PCDH15: variants seen among roughly 807,000 people sequenced by gnomAD.
The protein encoded by PCDH15 is protocadherin related 15.
PCDH15 carries 129 observed loss-of-function variants against 178.5 expected under a neutral mutation model. The observed-to-expected ratio is 0.72, with a 90% CI of 0.63 to 0.84. PCDH15 has a LOEUF of 0.84. Ranked by LOEUF, PCDH15 falls within the 40% of genes least tolerant of loss-of-function variation. The pLI is 0.00. For synonymous variants in PCDH15, 800 were observed against 732.0 expected, an observed-to-expected ratio of 1.09 and a Z score of -1.50; for missense variants, 2,230 against 2,099.9, an observed-to-expected ratio of 1.06 and a Z score of -1.21.
intron 27 of PCDH15, among the ~76,000 whole-genome samples, chr10:53,863,549 T>C (rs10825130): frequency 0.29 from 43,260 of 151,552 alleles, 7,814 homozygotes; most frequent in East Asian, 0.75. Flanking sequence ...AGAGAGGGTT[T>C]AAGAGAGGGT....
intron 13 of PCDH15, among the ~76,000 whole-genome samples, chr10:54,174,805 G>T (rs1040107052): frequency 7.4e-6 from 1 of 135,210 alleles, no homozygotes; most frequent in Non-Finnish European, 1.5e-5. Context: ...AGATTCTCCC[G>T]CTTCAGCCTC....
intron 21 of PCDH15, among the ~76,000 whole-genome samples, chr10:53,985,135 AGAACAGTGAGATTTTGGTGTT>A (rs1426908321): frequency 6.6e-6 from 1 of 152,248 alleles, no homozygotes; most frequent in East Asian, 1.9e-4. Context: ...TTGCTATTGC[AGAACAGTGAGATTTTGGTGTT>A]GTTTACTAAG....
intron 1 of PCDH15, among the ~76,000 whole-genome samples, chr10:55,235,882 G>T (rs1266274159): frequency 1.4e-5 from 2 of 143,402 alleles, no homozygotes; most frequent in African/African-American, 2.6e-5. Context: ...ACTCCAGCCT[G>T]GGCGACAGAG....
intron 2 of PCDH15, among the ~76,000 whole-genome samples, chr10:55,332,193 G>T (rs547204859): frequency 2.0e-5 from 3 of 152,098 alleles, no homozygotes; most frequent in South Asian, 4.1e-4. Context: ...GTATAAAATA[G>T]CAAAAGGTGA....
At chr10:54,649,905 C>T (rs768994422) in intron 2 of PCDH15, among the ~76,000 whole-genome samples, 1 of 152,142 alleles carries the variant, frequency 6.6e-6, no homozygotes, top group Non-Finnish European at 1.5e-5. Flanking sequence ...AGCTCACCAA[C>T]TTGCCCTTCT....
intron 23 of PCDH15, among the ~76,000 whole-genome samples, chr10:53,957,794 T>G (rs117898722): frequency 6.6e-6 from 1 of 151,380 alleles, no homozygotes; most frequent in African/African-American, 2.4e-5. Flanking sequence ...TGGAATCCAA[T>G]CCAAAGGATT....
intron 2 of PCDH15, among the ~76,000 whole-genome samples, chr10:55,137,206 C>G (rs1838218033): frequency 6.6e-6 from 1 of 152,116 alleles, no homozygotes; most frequent in Admixed American, 6.6e-5. Context: ...ATATTTCAGT[C>G]AACAACAGAC....
rs1003874200 is a variant in PCDH15 at position 54,528,495 on chromosome 10, G to C, written c.92-618C>G. 12 of 933,272 alleles carry C rather than the reference G, an allele frequency of 1.3e-5. No individual in the cohort carries two copies. In the African/African-American group the frequency reaches 1.5e-4, roughly 12 times the overall value. The allele number at this position is 933,272 out of a possible 1,614,324, so 57.8% of individuals were successfully genotyped here. A position where few individuals can be genotyped will look rare whatever the true frequency, so the allele number is the denominator to read the frequency against. ...GAATATATGTATATATTTAGTGAGA[G>C]ATTTAAGGATATAAAAAGCATTATA... is the stretch of plus-strand genomic sequence containing the variant. On this transcript the variant is annotated intron_variant, in intron 2 of 37. Coordinates refer to ENST00000644397, the MANE Select transcript of PCDH15 (RefSeq NM_001384140.1).
chr10:55,189,588 A>G (rs1839888471), intron 1 of PCDH15, among the ~76,000 whole-genome samples: 2 of 151,910 alleles, frequency 1.3e-5, no homozygotes, highest in South Asian at 4.1e-4. Flanking sequence ...CAGAACTTCT[A>G]TAAGCTTTAT....
chr10:54,318,689 G>A (rs1454210705), intron 7 of PCDH15, among the ~76,000 whole-genome samples: 1 of 152,128 alleles, frequency 6.6e-6, no homozygotes, highest in Admixed American at 6.6e-5. Flanking sequence ...TTTGAGCACT[G>A]GATATTTTGC....
intron 4 of PCDH15, among the ~76,000 whole-genome samples, chr10:54,375,897 A>ATATATAT (rs200674493): frequency 7.2e-6 from 1 of 139,354 alleles, no homozygotes; most frequent in African/African-American, 2.6e-5. Context: ...ATATATATAT[A>ATATATAT]ATTTTTTTTC....
intron 3 of PCDH15, among the ~76,000 whole-genome samples, chr10:54,820,034 G>T (rs1278220392): frequency 1.3e-5 from 2 of 151,968 alleles, no homozygotes; most frequent in Non-Finnish European, 2.9e-5. Flanking sequence ...ATCAAGCAAT[G>T]GTCAAGAAAT....
At chr10:54,541,848 G>C (rs1366518151) in intron 2 of PCDH15, among the ~76,000 whole-genome samples, 1 of 152,098 alleles carries the variant, frequency 6.6e-6, no homozygotes, top group East Asian at 1.9e-4. Context: ...AAGGTCAAAA[G>C]ATAAAAGCTG....
At chr10:55,416,498 T>C (rs1838487055) in intron 2 of PCDH15, among the ~76,000 whole-genome samples, 1 of 151,630 alleles carries the variant, frequency 6.6e-6, no homozygotes, top group African/African-American at 2.4e-5. Flanking sequence ...AGCACAAAAA[T>C]GAATAAATTG....
At chr10:54,980,529 C>T (rs1157034295) in intron 2 of PCDH15, among the ~76,000 whole-genome samples, 1 of 152,130 alleles carries the variant, frequency 6.6e-6, no homozygotes, top group Non-Finnish European at 1.5e-5. Flanking sequence ...TTAGGCTGCA[C>T]ATTTTTCTCA....
chr10:54,119,386 A>T (rs895778141), intron 15 of PCDH15, among the ~76,000 whole-genome samples: 28 of 152,166 alleles, frequency 1.8e-4, no homozygotes, highest in Non-Finnish European at 7.4e-5. Flanking sequence ...TCTATCAGAT[A>T]AAAGAATTTA....
At chr10:53,900,384 C>T (rs887517218) in intron 26 of PCDH15, among the ~76,000 whole-genome samples, 3 of 152,054 alleles carry the variant, frequency 2.0e-5, no homozygotes, top group Non-Finnish European at 4.4e-5. Context: ...GGGAGGGTTC[C>T]TTAGAGTTCT....
chr10:54,515,124 G>T (rs576113131), intron 3 of PCDH15, among the ~76,000 whole-genome samples: 3 of 152,280 alleles, frequency 2.0e-5, no homozygotes, highest in African/African-American at 7.2e-5. Flanking sequence ...CCAGACAGTG[G>T]GTGCAGGACA....
At chr10:55,475,719 A>G (rs189093336) in intron 2 of PCDH15, among the ~76,000 whole-genome samples, 53 of 152,294 alleles carry the variant, frequency 3.5e-4, no homozygotes, top group Admixed American at 5.9e-4. Flanking sequence ...ATATCTCATT[A>G]TGTATATGCA....
Sources: gnomAD v4.1 joint callset for allele counts (sites outside exome capture counted in the v4.1 genomes callset) on GRCh38, gnomAD v4.1.1 for gene constraint, MANE v1.5 for transcripts, NCBI Gene and HGNC (gene_info 2026-07-23, HGNC 2026-07-21) for gene names.